Variants in CCDC122 observed in about 807,000 individuals in gnomAD.
CCDC122 encodes the protein coiled-coil domain containing 122.
A neutral mutation model predicts 37.0 loss-of-function variants in CCDC122; 38 were observed. That is an observed-to-expected ratio of 1.03 (90% CI 0.79 to 1.35). CCDC122 has a LOEUF of 1.35. CCDC122 is among the 40% of genes most tolerant of loss of function. The probability of loss-of-function intolerance (pLI) is 0.00; values close to 1 mark genes in which losing one functional copy is unlikely to be tolerated. For synonymous variants in CCDC122, 83 were observed against 95.6 expected (o/e 0.87, Z 0.77); for missense variants, 305 against 310.0 (o/e 0.98, Z 0.12).
At position 43,827,473 on chromosome 13, in the gene CCDC122, G is replaced by T. The variant is rs77890580; in HGVS notation, n.602-3462C>A. On this transcript the variant is annotated intron_variant and non_coding_transcript_variant, in intron 3 of 3. Coordinates refer to the CCDC122 transcript ENST00000470137. ...TATTCTAAACAAAAGGCTTACATAAGTTCTCTAAGTTGTAAACCTCTGTCT... is the reference window on the plus strand; with the variant it reads ...TATTCTAAACAAAAGGCTTACATAATTTCTCTAAGTTGTAAACCTCTGTCT... Among the ~76,000 whole-genome samples, 785 of 152,234 alleles carry T rather than the reference G, an allele frequency of 5.2e-3. 13 individuals carry two copies. The East Asian group carries it at 0.061, about 12-fold the overall frequency.
chr13:43,859,914 C>T lies in CCDC122; in HGVS notation c.313G>A (p.Val105Ile), dbSNP rs779786820. Reference sequence around the variant, plus strand: ...GTTTCTATGTCAAATTTAAGCTTTACATTTTCTGAATGTAAGGATTTGATT... The same window carrying T: ...GTTTCTATGTCAAATTTAAGCTTTATATTTTCTGAATGTAAGGATTTGATT... ...TQIKSLHSEN[V>I]KLKFDIETAQ... Residue 105 changes from valine (V) to isoleucine (I), a missense_variant, in exon 5 of 7, where the codon GTA becomes ATA. Val to Ile is a conservative substitution (Grantham distance 29). Coordinates refer to ENST00000444614, the MANE Select transcript of CCDC122 (RefSeq NM_144974.5). 3.1e-6 allele frequency: 5 copies of T among 1,610,030 alleles called. No homozygotes were observed. Among genetic ancestry groups the T allele is most frequent in the African/African-American group, 1.3e-5 (1 of 74,814 alleles).
At chr13:43,829,850 T>C (rs551095541) in intron 3 of CCDC122, among the ~76,000 whole-genome samples, 1 of 152,286 alleles carries the variant, frequency 6.6e-6, no homozygotes, top group South Asian at 2.1e-4. Flanking sequence ...TCTAAACTTT[T>C]AAATTGGGGT....
At chr13:43,867,297 T>C (rs764616445) in intron 4 of CCDC122, among the ~76,000 whole-genome samples, 1 of 152,186 alleles carries the variant, frequency 6.6e-6, no homozygotes, top group East Asian at 1.9e-4. Context: ...CAAAACATAC[T>C]GTAATTTACA....
chr13:43,849,335 C>T (rs1209181861), intron 6 of CCDC122, among the ~76,000 whole-genome samples: 6 of 152,186 alleles, frequency 3.9e-5, no homozygotes, highest in Non-Finnish European at 8.8e-5. Flanking sequence ...CCACTTACAT[C>T]ATCCTTTACC....
chr13:43,821,888 T>C (rs918904133), downstream of CCDC122, among the ~76,000 whole-genome samples: 3 of 152,232 alleles, frequency 2.0e-5, no homozygotes, highest in Admixed American at 1.3e-4. Context: ...CTGAATTCCC[T>C]CTCTGTGTTA....
At chr13:43,836,285 A>G (rs1953157725), downstream of CCDC122, 1 of 152,426 alleles carries the variant, frequency 6.6e-6, no homozygotes, top group South Asian at 2.1e-4. Context: ...ATGTTAGTCT[A>G]TAGTGAGTAA....
At chr13:43,842,371 C>T (rs1284351295) in intron 6 of CCDC122, among the ~76,000 whole-genome samples, 1 of 151,942 alleles carries the variant, frequency 6.6e-6, no homozygotes, top group Admixed American at 6.6e-5. Context: ...TTTCTGAACT[C>T]TATTCTGTTC....
At position 43,869,486 on chromosome 13, in the gene CCDC122, GAT is replaced by G; in HGVS notation, c.-112_-111del. On this transcript the variant is annotated splice_region_variant and 5_prime_UTR_variant, in exon 3 of 7. Transcript: ENST00000444614. ...TTGTTTTTTCCTGTTGTATATTGGT[GAT>G]CCTGAAAGGTAAATTAATTGTCAAA... The G allele has an allele frequency of 1.3e-6, 1 of 763,662 alleles. No individual in the cohort carries two copies. The highest frequency in any genetic ancestry group is 1.8e-5 in the South Asian group (1 of 54,618). 47.3% of individuals were successfully genotyped at this position (763,662 alleles called of 1,614,324 possible).
At chr13:43,857,677 C>T (rs879648977) in intron 6 of CCDC122, among the ~76,000 whole-genome samples, 59 of 151,840 alleles carry the variant, frequency 3.9e-4, no homozygotes, top group Non-Finnish European at 6.2e-4. Context: ...CCGAGGCAGG[C>T]GGATCACCTG....
chr13:43,849,126 T>C, intron 6 of CCDC122: 3 of 815,248 alleles, frequency 3.7e-6, no homozygotes, highest in Non-Finnish European at 4.4e-6. Context: ...ATTTTTTAAC[T>C]GAATTGAGGA....
At chr13:43,860,130 C>T in intron 4 of CCDC122, 60 bp from the exon 5 acceptor site, 1 of 927,224 alleles carries the variant, frequency 1.1e-6, no homozygotes, top group Non-Finnish European at 1.5e-6. Context: ...AGAGGAAAAT[C>T]AATGTTTTAA....
intron 2 of CCDC122, among the ~76,000 whole-genome samples, chr13:43,872,342 T>C (rs750244186): frequency 1.3e-5 from 2 of 152,146 alleles, no homozygotes; most frequent in African/African-American, 4.8e-5. Flanking sequence ...GCTTTGCTTA[T>C]ACTCAAGTAG....
chr13:43,848,790 A>G (rs1018134720), intron 6 of CCDC122: 62 of 800,786 alleles, frequency 7.7e-5, no homozygotes, highest in Non-Finnish European at 8.9e-5. Flanking sequence ...TGTAAAACAC[A>G]ATATTTAAAA....
chr13:43,833,233 G>T (rs745344447), downstream of CCDC122, among the ~76,000 whole-genome samples: 3 of 152,074 alleles, frequency 2.0e-5, no homozygotes, highest in African/African-American at 2.4e-5. Context: ...TAACTGTGGG[G>T]TTTTTTTCCC....
intron 6 of CCDC122, among the ~76,000 whole-genome samples, chr13:43,850,007 A>G (rs1186627232): frequency 6.6e-6 from 1 of 152,192 alleles, no homozygotes; most frequent in Non-Finnish European, 1.5e-5. Flanking sequence ...GCTCTGGTAG[A>G]GAGTCAGGAC....
intron 4 of CCDC122, among the ~76,000 whole-genome samples, chr13:43,863,331 T>C (rs1337475877): frequency 6.6e-6 from 1 of 152,146 alleles, no homozygotes; most frequent in African/African-American, 2.4e-5. Context: ...GATTCATCCA[T>C]GTTGTTGTAT....
rs191288943 is a variant in CCDC122 at position 43,857,042 on chromosome 13, G to A, written c.672+1739C>T. On this transcript the variant is annotated intron_variant, in intron 6 of 6. Transcript: ENST00000444614. Reference sequence around the variant, plus strand: ...AAGAATACTGTATTAAAATTCCCACGCTCAACATCTCCCAACTGTAATACC... The same window carrying A: ...AAGAATACTGTATTAAAATTCCCACACTCAACATCTCCCAACTGTAATACC... Among the ~76,000 whole-genome samples, 41 of 152,176 alleles carry A rather than the reference G, an allele frequency of 2.7e-4. No homozygotes were observed. The East Asian group carries it at 6.7e-3, about 25-fold the overall frequency.
chr13:43,836,660 C>T lies in CCDC122; in HGVS notation c.*620G>A, dbSNP rs894170341. On this transcript the variant is annotated 3_prime_UTR_variant, in exon 7 of 7. Coordinates refer to ENST00000444614, the MANE Select transcript of CCDC122 (RefSeq NM_144974.5). The stretch of plus-strand genomic sequence containing the variant: ...GGTCAGGAGATCGAGACCATCCTGG[C>T]TAACAAGGTGAAACCCCGTCTCTAC... 9 of 150,936 alleles carry T rather than the reference C, an allele frequency of 6.0e-5. No individual in the cohort carries two copies. The highest frequency in any genetic ancestry group is 2.2e-4 in the African/African-American group (9 of 41,144). The allele number at this position is 150,936 out of a possible 1,614,324, so 9.3% of individuals were successfully genotyped here.
chr13:43,877,292 A>G (rs1954642284), intron 1 of CCDC122, among the ~76,000 whole-genome samples: 1 of 152,174 alleles, frequency 6.6e-6, no homozygotes, highest in African/African-American at 2.4e-5. Flanking sequence ...AAGGTCTTGG[A>G]TCTTCTCAAT....
Sources: allele counts gnomAD v4.1 joint callset (sites outside exome capture counted in the v4.1 genomes callset), GRCh38; gene constraint gnomAD v4.1.1; transcripts MANE v1.5; gene names NCBI Gene and HGNC (gene_info 2026-07-23, HGNC 2026-07-21).